Variants in HECW2 observed in about 807,000 individuals in gnomAD.
HECW2 encodes E3 ubiquitin-protein ligase HECW2.
Under a neutral mutation model 175.2 loss-of-function variants are expected in HECW2, and 61 were observed. The ratio of observed to expected loss-of-function variants is 0.35; its 90% CI spans 0.28 to 0.43. The LOEUF is 0.43. HECW2 is among the 20% of genes least tolerant of loss of function. HECW2 has a pLI of 1.00. For synonymous variants in HECW2, 671 were observed against 731.0 expected (o/e 0.92, Z 1.32); for missense variants, 1,524 against 2,000.5 (o/e 0.76, Z 4.54).
At chr2:196,248,641 CAGAG>C (rs1688744629) in intron 19 of HECW2, among the ~76,000 whole-genome samples, 1 of 119,290 alleles carries the variant, frequency 8.4e-6, no homozygotes, top group African/African-American at 3.9e-5. Flanking sequence ...CAGAGAGAGA[CAGAG>C]AGGAATAGAG....
intron 14 of HECW2, among the ~76,000 whole-genome samples, chr2:196,287,054 CAA>C (rs1690418294): frequency 6.6e-6 from 1 of 152,166 alleles, no homozygotes; most frequent in Non-Finnish European, 1.5e-5. Flanking sequence ...TGAGAATTCT[CAA>C]ATAGGCTCAG....
At chr2:196,444,151 G>A (rs1696117348) in intron 1 of HECW2, among the ~76,000 whole-genome samples, 1 of 152,300 alleles carries the variant, frequency 6.6e-6, no homozygotes, top group East Asian at 1.9e-4. Flanking sequence ...ACCTTAAGCG[G>A]AAGATATCTT....
chr2:196,414,023 C>G (rs1695188006), intron 2 of HECW2, among the ~76,000 whole-genome samples: 1 of 152,210 alleles, frequency 6.6e-6, no homozygotes, highest in Admixed American at 6.5e-5. Context: ...CTCACCTCTG[C>G]ACTCAGCTGT....
Position 196,491,499 on chromosome 2 carries a change from T to TAC in HECW2, c.-35-58042_-35-58041insGT, listed in dbSNP as rs1298005584. On this transcript the variant is annotated intron_variant, in intron 1 of 28. Coordinates refer to ENST00000644978, the MANE Select transcript of HECW2 (RefSeq NM_001348768.2). The stretch of plus-strand genomic sequence containing the variant: ...ATATATATATATACACATATATATA[T>TAC]ATACACACACACACACACACACACA... 2.8e-3 allele frequency among the ~76,000 whole-genome samples: 368 copies of TAC among 131,994 alleles called. 2 individuals carry two copies. The highest frequency in any genetic ancestry group is 0.012 in the African/African-American group (346 of 27,926). The allele number at this position is 131,994 out of a possible 152,430, so 86.6% of individuals were successfully genotyped here. A position where few individuals can be genotyped will look rare whatever the true frequency, so the allele number is the denominator to read the frequency against.
intron 1 of HECW2, among the ~76,000 whole-genome samples, chr2:196,507,140 G>A (rs55737260): frequency 0.019 from 1,337 of 69,038 alleles, 8 homozygotes; most frequent in South Asian, 0.051. Flanking sequence ...TATTACACAC[G>A]TTAGTGTGTA....
intron 5 of HECW2, among the ~76,000 whole-genome samples, chr2:196,327,025 A>T (rs1692179383): frequency 6.6e-6 from 1 of 152,190 alleles, no homozygotes; most frequent in South Asian, 2.1e-4. Context: ...TTTCTTGATT[A>T]TGTTGCCCTT....
intron 28 of HECW2, among the ~76,000 whole-genome samples, chr2:196,207,064 G>A (rs575907645): frequency 1.2e-4 from 19 of 152,294 alleles, no homozygotes; most frequent in Non-Finnish European, 2.5e-4. Flanking sequence ...AACCTGAGAG[G>A]GGCAAGCGCC....
intron 2 of HECW2, among the ~76,000 whole-genome samples, chr2:196,395,957 G>A (rs1694650441): frequency 6.6e-6 from 1 of 152,156 alleles, no homozygotes; most frequent in South Asian, 2.1e-4. Flanking sequence ...ATTCACAATA[G>A]CCAAAAGGCG....
intron 15 of HECW2, among the ~76,000 whole-genome samples, chr2:196,274,993 G>A (rs1442671046): frequency 6.6e-6 from 1 of 152,190 alleles, no homozygotes; most frequent in East Asian, 1.9e-4. Context: ...ATTTTGAAAA[G>A]AGAGTTTTAT....
At chr2:196,491,369 T>TACAC (rs67409257) in intron 1 of HECW2, among the ~76,000 whole-genome samples, 119 of 130,656 alleles carry the variant, frequency 9.1e-4, no homozygotes, top group East Asian at 1.6e-3. Context: ...CATATATATA[T>TACAC]ACACACACAC....
At chr2:196,329,321 T>C (rs1257948930) in intron 5 of HECW2, among the ~76,000 whole-genome samples, 1 of 152,170 alleles carries the variant, frequency 6.6e-6, no homozygotes, top group East Asian at 1.9e-4. Context: ...TTACAGTTTT[T>C]CTTGAAGTAA....
At chr2:196,271,827 A>T (rs1689751394) in intron 16 of HECW2, among the ~76,000 whole-genome samples, 1 of 152,208 alleles carries the variant, frequency 6.6e-6, no homozygotes, top group Non-Finnish European at 1.5e-5. Context: ...TATAGTTTGG[A>T]ACTAGACTGT....
chr2:196,568,603 C>T (rs957354346), intron 1 of HECW2, among the ~76,000 whole-genome samples: 1 of 152,144 alleles, frequency 6.6e-6, no homozygotes, highest in African/African-American at 2.4e-5. Flanking sequence ...GTGAAAGCAA[C>T]ATGCATTCAG....
chr2:196,429,403 T>C (rs568322161), intron 2 of HECW2, among the ~76,000 whole-genome samples: 1 of 152,194 alleles, frequency 6.6e-6, no homozygotes, highest in South Asian at 2.1e-4. Context: ...TATTAGAAAA[T>C]ACAGTAAGAA....
chr2:196,433,015 G>T, intron 2 of HECW2, 117 bp downstream of exon 2: 1 of 833,684 alleles, frequency 1.2e-6, no homozygotes, highest in Non-Finnish European at 1.9e-6. Flanking sequence ...CCCAGAATCT[G>T]CTATGTGTAT....
chr2:196,304,963 T>C (rs1691204573), intron 13 of HECW2, among the ~76,000 whole-genome samples: 1 of 152,202 alleles, frequency 6.6e-6, no homozygotes, highest in South Asian at 2.1e-4. Flanking sequence ...CTACCTAGAG[T>C]ACTCCTGCCC....
chr2:196,399,391 A>C (rs1228205431), intron 2 of HECW2, among the ~76,000 whole-genome samples: 1 of 152,224 alleles, frequency 6.6e-6, no homozygotes. Context: ...TCTGGGCTAA[A>C]CTGCCAGAGG....
intron 1 of HECW2, among the ~76,000 whole-genome samples, chr2:196,521,858 A>G (rs1442840810): frequency 1.3e-4 from 20 of 150,194 alleles, no homozygotes; most frequent in Non-Finnish European, 2.5e-4. Context: ...TATATGTGCC[A>G]CATTTTCTTA....
intron 3 of HECW2, among the ~76,000 whole-genome samples, chr2:196,339,421 T>C (rs950198270): frequency 1.3e-5 from 2 of 152,366 alleles, no homozygotes; most frequent in African/African-American, 4.8e-5. Context: ...ATGTAATTTA[T>C]ACAAATATCA....
Sources: gnomAD v4.1 joint callset for allele counts (sites outside exome capture counted in the v4.1 genomes callset) on GRCh38, gnomAD v4.1.1 for gene constraint, MANE v1.5 for transcripts, NCBI Gene and HGNC (gene_info 2026-07-23, HGNC 2026-07-21) for gene names.